SEMA5A: variants seen among roughly 807,000 people sequenced by gnomAD.
SEMA5A encodes the protein semaphorin-5A.
Under a neutral mutation model 135.5 loss-of-function variants are expected in SEMA5A, and 55 were observed. The ratio of observed to expected loss-of-function variants is 0.41; its 90% CI spans 0.33 to 0.51. The LOEUF is 0.51. Ranked by LOEUF, SEMA5A falls within the 20% of genes least tolerant of loss-of-function variation. The pLI is 0.37. For synonymous variants in SEMA5A, 580 were observed against 546.5 expected (o/e 1.06, Z -0.85); for missense variants, 1,290 against 1,419.9 (o/e 0.91, Z 1.47).
chr5:9,313,104 T>G (rs1752218714), intron 5 of SEMA5A, among the ~76,000 whole-genome samples: 1 of 151,918 alleles, frequency 6.6e-6, no homozygotes, highest in South Asian at 2.1e-4. Context: ...TGCAGTGGGG[T>G]CTCCAGAATT....
intron 15 of SEMA5A, 50 bp from the exon 16 acceptor site, chr5:9,108,337 A>G (rs768179771): frequency 6.2e-7 from 1 of 1,601,636 alleles, no homozygotes; most frequent in Non-Finnish European, 8.5e-7. Context: ...TGCCACTTGA[A>G]ACCACTGACG....
At position 9,384,675 on chromosome 5, in the gene SEMA5A, T is replaced by TATAGATAG. The variant is rs1358325341; in HGVS notation, c.-77-4660_-77-4653dup. Among the ~76,000 whole-genome samples the TATAGATAG allele has an allele frequency of 8.5e-3, 544 of 64,114 alleles. 22 individuals are homozygous for TATAGATAG. The highest frequency in any genetic ancestry group is 0.013 in the Middle Eastern group (2 of 152). The allele number at this position is 64,114 out of a possible 152,430, so 42.1% of individuals were successfully genotyped here. Reference sequence around the variant, plus strand: ...AGATAGATAGATATAGATAGATAGATATAGATAGATAGATAGATAGATAGA... The same window carrying TATAGATAG: ...AGATAGATAGATATAGATAGATAGATATAGATAGATAGATAGATAGATAGATAGATAGA... On this transcript the variant is annotated intron_variant, in intron 2 of 22. Transcript: ENST00000382496.
At chr5:9,313,846 A>G (rs3777323) in intron 5 of SEMA5A, among the ~76,000 whole-genome samples, 16,994 of 152,156 alleles carry the variant, frequency 0.11, 2,436 homozygotes, top group African/African-American at 0.33. Flanking sequence ...CAAGTTGGAA[A>G]ATAGCCTACA....
At chr5:9,217,676 C>A (rs1746709106) in intron 8 of SEMA5A, among the ~76,000 whole-genome samples, 2 of 152,218 alleles carry the variant, frequency 1.3e-5, no homozygotes, top group Admixed American at 1.3e-4. Flanking sequence ...TCCCACAATT[C>A]TCAAAGGTTT....
intron 16 of SEMA5A, among the ~76,000 whole-genome samples, chr5:9,088,338 T>C (rs867439757): frequency 6.9e-6 from 1 of 145,888 alleles, no homozygotes; most frequent in Admixed American, 6.7e-5. Flanking sequence ...AGAAAGAAAG[T>C]ATTTTTTTAA....
At chr5:9,427,048 C>T (rs1483575095) in intron 2 of SEMA5A, among the ~76,000 whole-genome samples, 2 of 152,174 alleles carry the variant, frequency 1.3e-5, no homozygotes, top group Non-Finnish European at 2.9e-5. Context: ...TGCAGTGGCT[C>T]ATGCCTGTAA....
At chr5:9,302,855 A>T (rs940920952) in intron 5 of SEMA5A, among the ~76,000 whole-genome samples, 6 of 152,206 alleles carry the variant, frequency 3.9e-5, no homozygotes, top group Non-Finnish European at 8.8e-5. Flanking sequence ...AATACTAATT[A>T]TAATGTAGAT....
intron 5 of SEMA5A, among the ~76,000 whole-genome samples, chr5:9,267,756 T>C (rs1404758794): frequency 2.0e-5 from 3 of 152,082 alleles, no homozygotes; most frequent in Non-Finnish European, 2.9e-5. Context: ...TTCAGAATCA[T>C]CTCTGGCCGG....
At chr5:9,064,700 C>T (rs754136894) in intron 17 of SEMA5A, among the ~76,000 whole-genome samples, 6 of 152,098 alleles carry the variant, frequency 3.9e-5, no homozygotes, top group Non-Finnish European at 5.9e-5. Context: ...GTACTCCAGC[C>T]TGGGCAACAG....
chr5:9,510,411 C>T (rs1228543110), intron 1 of SEMA5A, among the ~76,000 whole-genome samples: 1 of 152,154 alleles, frequency 6.6e-6, no homozygotes, highest in Non-Finnish European at 1.5e-5. Flanking sequence ...TTCATAGATG[C>T]TATTTATTTC....
intron 5 of SEMA5A, among the ~76,000 whole-genome samples, chr5:9,293,956 G>A (rs944581330): frequency 6.6e-6 from 1 of 152,172 alleles, no homozygotes; most frequent in African/African-American, 2.4e-5. Context: ...GATCCCAATT[G>A]CAGTCCATAC....
intron 1 of SEMA5A, among the ~76,000 whole-genome samples, chr5:9,475,087 A>G (rs1037025392): frequency 1.3e-5 from 2 of 152,210 alleles, no homozygotes; most frequent in Non-Finnish European, 2.9e-5. Context: ...GGTTATAGAC[A>G]TGCACCACCT....
At chr5:9,169,409 G>GAGTAATACATATATA (rs1401779760) in intron 11 of SEMA5A, among the ~76,000 whole-genome samples, 2 of 152,144 alleles carry the variant, frequency 1.3e-5, no homozygotes, top group African/African-American at 4.8e-5. Context: ...ATTAGTCATG[G>GAGTAATACATATATA]AGTAATACAT....
chr5:9,345,830 C>T (rs1414127634), intron 3 of SEMA5A, among the ~76,000 whole-genome samples: 1 of 151,898 alleles, frequency 6.6e-6, no homozygotes, highest in East Asian at 1.9e-4. Context: ...GTATTATACA[C>T]AACACAATAC....
intron 2 of SEMA5A, among the ~76,000 whole-genome samples, chr5:9,401,440 A>G (rs1046647386): frequency 2.0e-5 from 3 of 152,176 alleles, no homozygotes; most frequent in African/African-American, 7.2e-5. Flanking sequence ...CAAAGGCCAT[A>G]TGTGCCACCT....
intron 3 of SEMA5A, among the ~76,000 whole-genome samples, chr5:9,379,487 C>T (rs1755500764): frequency 6.6e-6 from 1 of 152,106 alleles, no homozygotes; most frequent in Non-Finnish European, 1.5e-5. Flanking sequence ...TTTAGGCTTT[C>T]CTTGGTTTTG....
intron 5 of SEMA5A, among the ~76,000 whole-genome samples, chr5:9,294,090 CAG>C (rs3836914): frequency 0.13 from 19,576 of 152,060 alleles, 1,317 homozygotes; most frequent in South Asian, 0.19. Context: ...GAAAATGAAA[CAG>C]GGAACAAAAG....
intron 6 of SEMA5A, among the ~76,000 whole-genome samples, chr5:9,234,250 C>T (rs956204676): frequency 6.6e-6 from 1 of 152,190 alleles, no homozygotes; most frequent in Non-Finnish European, 1.5e-5. Context: ...CCTTCGGAGG[C>T]TGCATTTGGT....
At chr5:9,106,197 C>T (rs1480602302) in intron 16 of SEMA5A, among the ~76,000 whole-genome samples, 1 of 152,152 alleles carries the variant, frequency 6.6e-6, no homozygotes, top group South Asian at 2.1e-4. Flanking sequence ...CTTTAAATTT[C>T]CCAAAAAGTG....
Sources: allele counts gnomAD v4.1 joint callset (sites outside exome capture counted in the v4.1 genomes callset), GRCh38; gene constraint gnomAD v4.1.1; transcripts MANE v1.5; gene names NCBI Gene and HGNC (gene_info 2026-07-23, HGNC 2026-07-21).